RBPMS: variants seen among roughly 807,000 people sequenced by gnomAD.
RBPMS encodes RNA binding protein, mRNA processing factor, also known as RNA-binding protein with multiple splicing.
RBPMS carries 7 observed loss-of-function variants against 26.8 expected under a neutral mutation model. The ratio of observed to expected loss-of-function variants is 0.26; its 90% confidence interval spans 0.15 to 0.49. The LOEUF (loss-of-function observed/expected upper bound fraction) is 0.49, where lower values mean the gene tolerates loss of function less well. Among genes scored for constraint, RBPMS ranks in the 20% least tolerant of loss-of-function variants. The pLI is 0.98. For missense variants in RBPMS, 186 were observed against 250.0 expected (o/e 0.74, Z 1.73); for synonymous variants, 96 against 93.3 (o/e 1.03, Z -0.17).
intron 4 of RBPMS, among the ~76,000 whole-genome samples, chr8:30,499,205 T>G (rs567534843): frequency 5.3e-5 from 8 of 152,230 alleles, no homozygotes; most frequent in Admixed American, 4.6e-4. Flanking sequence ...AGGTGGAGGT[T>G]GCAGTAAGCC....
intron 1 of RBPMS, chr8:30,447,071 T>C (rs1813952774): frequency 1.3e-5 from 2 of 152,174 alleles, no homozygotes; most frequent in African/African-American, 4.8e-5. Context: ...ATGTTCTCTT[T>C]TCAAGGCACC....
intron 8 of RBPMS, among the ~76,000 whole-genome samples, chr8:30,567,144 C>G (rs934398851): frequency 2.6e-5 from 4 of 152,196 alleles, no homozygotes; most frequent in African/African-American, 9.7e-5. Flanking sequence ...CGGCAGGCTG[C>G]ATCCCTCTGA....
chr8:30,485,818 C>G (rs538876487), intron 4 of RBPMS, among the ~76,000 whole-genome samples: 1 of 152,312 alleles, frequency 6.6e-6, no homozygotes, highest in African/African-American at 2.4e-5. Context: ...TTATTTAGTT[C>G]TAGAATCTGT....
chr8:30,459,910 TTTG>T (rs1815697544), intron 1 of RBPMS, among the ~76,000 whole-genome samples: 1 of 152,234 alleles, frequency 6.6e-6, no homozygotes, highest in African/African-American at 2.4e-5. Context: ...TTTGTTGTCT[TTTG>T]TTGTTTCCAG....
At chr8:30,546,352 A>AGAG (rs1825867110) in intron 6 of RBPMS, among the ~76,000 whole-genome samples, 1 of 152,254 alleles carries the variant, frequency 6.6e-6, no homozygotes, top group African/African-American at 2.4e-5. Context: ...GACAACAGCC[A>AGAG]GAAAGTACTG....
At chr8:30,472,073 A>G (rs1193193099) in intron 1 of RBPMS, among the ~76,000 whole-genome samples, 1 of 152,230 alleles carries the variant, frequency 6.6e-6, no homozygotes, top group Admixed American at 6.5e-5. Context: ...ATCCAAAAAG[A>G]AAGAAAGTAT....
intron 1 of RBPMS, among the ~76,000 whole-genome samples, chr8:30,409,350 T>C (rs901179051): frequency 3.3e-5 from 5 of 151,944 alleles, no homozygotes; most frequent in African/African-American, 1.2e-4. Flanking sequence ...TGAACCACCA[T>C]GGCTGGCTAA....
At chr8:30,537,460 C>T (rs559162303) in intron 5 of RBPMS, 3 of 421,866 alleles carry the variant, frequency 7.1e-6, no homozygotes, top group Non-Finnish European at 1.5e-5. Flanking sequence ...AGTGGGGAGA[C>T]GGTGGAAGTT....
At chr8:30,546,798 T>C (rs1010054529) in intron 6 of RBPMS, among the ~76,000 whole-genome samples, 3 of 152,216 alleles carry the variant, frequency 2.0e-5, no homozygotes, top group African/African-American at 7.2e-5. Flanking sequence ...AATGAACTAG[T>C]AGAGGCTTTA....
At chr8:30,410,897 G>A (rs1275138225) in intron 1 of RBPMS, among the ~76,000 whole-genome samples, 1 of 151,888 alleles carries the variant, frequency 6.6e-6, no homozygotes, top group Non-Finnish European at 1.5e-5. Flanking sequence ...AGCCATGCCA[G>A]GCTAATTTAA....
intron 1 of RBPMS, among the ~76,000 whole-genome samples, chr8:30,428,163 A>G (rs1463254060): frequency 6.6e-6 from 1 of 151,602 alleles, no homozygotes; most frequent in Non-Finnish European, 1.5e-5. Flanking sequence ...AGCTGGGACT[A>G]CAGGTGCACA....
chr8:30,418,566 C>G (rs1262820667), intron 1 of RBPMS, among the ~76,000 whole-genome samples: 2 of 151,904 alleles, frequency 1.3e-5, no homozygotes, highest in Non-Finnish European at 2.9e-5. Context: ...TTTGTAGGCA[C>G]TCTTTATTAC....
chr8:30,446,516 G>T (rs1328888505), intron 1 of RBPMS, among the ~76,000 whole-genome samples: 1 of 152,214 alleles, frequency 6.6e-6, no homozygotes, highest in East Asian at 1.9e-4. Flanking sequence ...GTATGTGTGT[G>T]CATGCACGTG....
intron 1 of RBPMS, among the ~76,000 whole-genome samples, chr8:30,430,042 C>T (rs559020122): frequency 3.9e-5 from 6 of 152,224 alleles, no homozygotes; most frequent in African/African-American, 9.6e-5. Context: ...TTTGGGAAGC[C>T]GAGGCGGGCA....
At chr8:30,529,978 C>T (rs1824040345) in intron 5 of RBPMS, among the ~76,000 whole-genome samples, 1 of 152,206 alleles carries the variant, frequency 6.6e-6, no homozygotes, top group Non-Finnish European at 1.5e-5. Context: ...TGATCTCGAA[C>T]TCCTGACCTC....
At chr8:30,527,298 C>T (rs1823696287) in intron 5 of RBPMS, among the ~76,000 whole-genome samples, 1 of 152,272 alleles carries the variant, frequency 6.6e-6, no homozygotes, top group East Asian at 1.9e-4. Flanking sequence ...ATCCACACCC[C>T]AGGCCTTCCT....
At chr8:30,440,736 C>G (rs1413718616) in intron 1 of RBPMS, among the ~76,000 whole-genome samples, 1 of 151,810 alleles carries the variant, frequency 6.6e-6, no homozygotes, top group Non-Finnish European at 1.5e-5. Context: ...GCATTCCCAA[C>G]AACAGTGCAT....
intron 1 of RBPMS, chr8:30,444,794 A>G (rs1420123462): frequency 6.6e-6 from 1 of 152,252 alleles, no homozygotes; most frequent in South Asian, 2.1e-4. Flanking sequence ...AGTTTCAGAT[A>G]TCTATTTCAA....
chr8:30,558,819 G>A, intron 6 of RBPMS, 68 bp from the exon 7 acceptor site: 1 of 1,353,712 alleles, frequency 7.4e-7, no homozygotes, highest in Non-Finnish European at 1.1e-6. Context: ...TAGCCAAGCA[G>A]GACCCTCCGT....
Sources: gnomAD v4.1 joint callset for allele counts (sites outside exome capture counted in the v4.1 genomes callset) on GRCh38, gnomAD v4.1.1 for gene constraint, MANE v1.5 for transcripts, NCBI Gene and HGNC (gene_info 2026-07-23, HGNC 2026-07-21) for gene names.